The following COL5A1 variants were observed in gnomAD, a reference collection of about 807,000 sequenced individuals.
COL5A1 encodes collagen type V alpha 1 chain.
A neutral mutation model predicts 263.7 loss-of-function variants in COL5A1; 16 were observed. That is an observed-to-expected ratio of 0.06 (90% CI 0.04 to 0.09). COL5A1 has a LOEUF of 0.09. Ranked by LOEUF, COL5A1 falls within the 10% of genes least tolerant of loss-of-function variation. The pLI, the probability that COL5A1 is intolerant of heterozygous loss-of-function variation, is 1.00. For missense variants in COL5A1, 2,036 were observed against 2,540.5 expected, an observed-to-expected ratio of 0.80 and a Z score of 4.27; for synonymous variants, 1,012 against 1,004.5, an observed-to-expected ratio of 1.01 and a Z score of -0.14.
chr9:134,805,287 G>T (rs923949661), intron 41 of COL5A1, 73 bp downstream of exon 41: 2 of 1,554,174 alleles, frequency 1.3e-6, no homozygotes, highest in Non-Finnish European at 1.8e-6. Flanking sequence ...GTCCCCGAGA[G>T]CCCAGAGCAT....
rs959838494 is a variant in COL5A1 at position 134,789,278 on chromosome 9, A to G, written c.2700+70A>G. On this transcript the variant is annotated intron_variant, in intron 32 of 65. Transcript: ENST00000371817. This position sits in a 1 kb window ranked among gnomAD's most constrained non-coding sequence, Gnocchi z 4.8. Reference sequence around the variant, plus strand: ...TCGGTGCCTAGCAAGTTGGTTCTCCAGCCGACGGCCTGTTTATTTCTCACT... The same window carrying G: ...TCGGTGCCTAGCAAGTTGGTTCTCCGGCCGACGGCCTGTTTATTTCTCACT... 4 of 1,274,704 alleles carry G rather than the reference A, an allele frequency of 3.1e-6. No homozygotes were observed. The highest frequency in any genetic ancestry group is 4.5e-6 in the Non-Finnish European group (4 of 880,466). 79.0% of individuals were successfully genotyped at this position (1,274,704 alleles called of 1,614,324 possible).
intron 4 of COL5A1, among the ~76,000 whole-genome samples, chr9:134,714,821 C>G (rs201109887): frequency 4.0e-5 from 2 of 50,042 alleles, no homozygotes; most frequent in African/African-American, 7.9e-5. Flanking sequence ...GTGGTGGAGG[C>G]GATGATGGTG....
intron 1 of COL5A1, among the ~76,000 whole-genome samples, chr9:134,662,490 C>T (rs1487136666): frequency 6.6e-6 from 1 of 152,264 alleles, no homozygotes; most frequent in Non-Finnish European, 1.5e-5. Context: ...TCCCCAGCAC[C>T]CTTCCTGACC....
chr9:134,826,717 G>GCAT (rs1839285057), intron 63 of COL5A1, among the ~76,000 whole-genome samples: 3 of 92,078 alleles, frequency 3.3e-5, no homozygotes, highest in East Asian at 3.6e-4. Flanking sequence ...GGGGGTGTGT[G>GCAT]GGTGGTGTGT....
chr9:134,740,036 C>T (rs1464111288), intron 11 of COL5A1, among the ~76,000 whole-genome samples: 3 of 152,302 alleles, frequency 2.0e-5, no homozygotes, highest in South Asian at 2.1e-4. Context: ...TTGCTTTTCA[C>T]GGTCAGGGAT....
intron 1 of COL5A1, among the ~76,000 whole-genome samples, chr9:134,665,199 A>AAAAC (rs905524232): frequency 6.6e-6 from 1 of 152,180 alleles, no homozygotes; most frequent in African/African-American, 2.4e-5. Context: ...ACTCCGTCTC[A>AAAAC]AAACAAACAA....
At chr9:134,715,820 C>T (rs1387400141) in intron 4 of COL5A1, among the ~76,000 whole-genome samples, 1 of 152,174 alleles carries the variant, frequency 6.6e-6, no homozygotes, top group African/African-American at 2.4e-5. Flanking sequence ...TAGTACAGAA[C>T]AAAGTGGAGT....
At chr9:134,799,660 T>C (rs938311646) in intron 37 of COL5A1, among the ~76,000 whole-genome samples, 4 of 152,242 alleles carry the variant, frequency 2.6e-5, no homozygotes, top group Non-Finnish European at 5.9e-5. Context: ...TGTCTCTCTT[T>C]GGTTCATCGT....
intron 1 of COL5A1, among the ~76,000 whole-genome samples, chr9:134,668,974 T>TCCAC (rs1832442895): frequency 1.5e-5 from 2 of 135,830 alleles, no homozygotes; most frequent in African/African-American, 2.7e-5. Flanking sequence ...CATCCATCCA[T>TCCAC]CCATCCATCC....
intron 20 of COL5A1, among the ~76,000 whole-genome samples, chr9:134,764,884 A>G (rs1836600296): frequency 6.6e-6 from 1 of 152,322 alleles, no homozygotes; most frequent in South Asian, 2.1e-4. Context: ...CGAAGGAAAC[A>G]TTTAAGAGGC....
chr9:134,777,872 C>T (rs1269011666), intron 27 of COL5A1, among the ~76,000 whole-genome samples: 1 of 152,224 alleles, frequency 6.6e-6, no homozygotes, highest in African/African-American at 2.4e-5. Context: ...TGGACATCAC[C>T]TTGCATTCAG....
In COL5A1 at chr9:134,843,788, A is replaced by G. The variant is rs1467866498; in HGVS notation, c.*1485A>G. On this transcript the variant is annotated 3_prime_UTR_variant, in exon 66 of 66. Coordinates refer to ENST00000371817, the MANE Select transcript of COL5A1 (RefSeq NM_000093.5). ...GCTGCCTCGGTAGATGGAGTAATGT[A>G]CAATGAACTCCATGAGTCTCTCCAG... is the stretch of plus-strand genomic sequence containing the variant. 1 of 152,710 alleles carries G rather than the reference A, an allele frequency of 6.5e-6. No homozygotes were observed. Among genetic ancestry groups the G allele is most frequent in the East Asian group, 1.9e-4 (1 of 5,204 alleles). 9.5% of individuals were successfully genotyped at this position (152,710 alleles called of 1,614,324 possible). A position where few individuals can be genotyped will look rare whatever the true frequency, so the allele number is the denominator to read the frequency against.
chr9:134,785,181 G>A (rs1456622111), intron 30 of COL5A1, 85 bp downstream of exon 30: 1 of 1,069,142 alleles, frequency 9.4e-7, no homozygotes, highest in African/African-American at 1.6e-5. Flanking sequence ...GTTGGCTGTG[G>A]CTGCCCTAGG....
rs529825336 is a variant in COL5A1, at chr9:134,825,130, C to G, written c.4954+275C>G. 2.0e-5 allele frequency among the ~76,000 whole-genome samples: 3 copies of G among 152,302 alleles called. No individual in the cohort carries two copies. The East Asian group carries it at 5.8e-4, about 29-fold the overall frequency. On this transcript the variant is annotated intron_variant, in intron 62 of 65. Coordinates refer to ENST00000371817, the MANE Select transcript of COL5A1 (RefSeq NM_000093.5). ...AGGCATTTTCTGGCGGGGTGACCTG[C>G]TTGAACCTCGTGTTCCTGACCTGTC...
intron 11 of COL5A1, among the ~76,000 whole-genome samples, chr9:134,739,812 T>A (rs1268553794): frequency 6.6e-6 from 1 of 151,944 alleles, no homozygotes; most frequent in Non-Finnish European, 1.5e-5. Context: ...GGCAGCAGGA[T>A]GCAGGGGCAG....
intron 6 of COL5A1, among the ~76,000 whole-genome samples, chr9:134,729,137 T>G (rs530474683): frequency 3.3e-5 from 5 of 152,200 alleles, no homozygotes; most frequent in African/African-American, 4.8e-5. Context: ...TCGGGTTCCT[T>G]AAGTGTGGGT....
At chr9:134,703,601 G>A (rs1833741218) in intron 4 of COL5A1, among the ~76,000 whole-genome samples, 1 of 151,048 alleles carries the variant, frequency 6.6e-6, no homozygotes, top group Admixed American at 6.6e-5. Flanking sequence ...CCTGCCTCTG[G>A]ATGGGAGGCC....
chr9:134,758,325 A>G lies in COL5A1; in HGVS notation c.1935+29A>G, dbSNP rs2132699113. 1 of 1,610,582 alleles carries G rather than the reference A, an allele frequency of 6.2e-7. No individual in the cohort carries two copies. The highest frequency in any genetic ancestry group is 8.5e-7 in the Non-Finnish European group (1 of 1,176,900). ...AGTATTTCCTCTGTGAGACACAGGC[A>G]TGACGATGGGCAGCAGAGGTGTCTC... On this transcript the variant is annotated intron_variant, in intron 18 of 65. Coordinates refer to ENST00000371817, the MANE Select transcript of COL5A1 (RefSeq NM_000093.5). This position sits in a 1 kb window ranked among gnomAD's most constrained non-coding sequence, Gnocchi z 4.1.
At chr9:134,692,478 AC>A (rs1363752828) in intron 2 of COL5A1, among the ~76,000 whole-genome samples, 1 of 151,814 alleles carries the variant, frequency 6.6e-6, no homozygotes, top group Non-Finnish European at 1.5e-5. Flanking sequence ...CTGCCCCATG[AC>A]CCCCGGTTTA....
Sources: allele counts gnomAD v4.1 joint callset (sites outside exome capture counted in the v4.1 genomes callset), GRCh38; gene constraint gnomAD v4.1.1; non-coding constraint Gnocchi (gnomAD v3.1); transcripts MANE v1.5; gene names NCBI Gene and HGNC (gene_info 2026-07-23, HGNC 2026-07-21).